SBK1: variants seen among roughly 807,000 people sequenced by gnomAD.
SBK1 encodes SH3 domain binding kinase 1.
In SBK1, 11 loss-of-function variants were observed where a neutral mutation model predicts 24.4. The ratio of observed to expected loss-of-function variants is 0.45; its 90% CI spans 0.28 to 0.75. SBK1 has a LOEUF of 0.75. Among genes scored for constraint, SBK1 ranks in the 30% least tolerant of loss-of-function variants. The pLI, the probability that SBK1 is intolerant of heterozygous loss-of-function variation, is 0.12. For missense variants in SBK1, 467 were observed against 620.5 expected (o/e 0.75, Z 2.63); for synonymous variants, 308 against 284.4 (o/e 1.08, Z -0.83).
In SBK1 at chr16:28,260,975, G is replaced by A. The variant is rs374543079; in HGVS notation, c.257+1473G>A. ...AAAGGGCATCGCAGGCAGTGGGAAC[G>A]GCAAGAGGGAAGGCTTGGTGCAAAT... On this transcript the variant is annotated intron_variant, in intron 1 of 3. Coordinates refer to the SBK1 transcript ENST00000671413. 2.6e-4 allele frequency among the ~76,000 whole-genome samples: 40 copies of A among 152,264 alleles called. No individual in the cohort carries two copies. The East Asian group carries it at 3.1e-3, about 12-fold the overall frequency.
At chr16:28,283,262 G>C (rs1018346698) in intron 1 of SBK1, among the ~76,000 whole-genome samples, 3 of 152,076 alleles carry the variant, frequency 2.0e-5, no homozygotes, top group African/African-American at 7.2e-5. Flanking sequence ...CTTTATTTCT[G>C]GGGGGTTGTA....
chr16:28,272,926 C>T (rs1386179064), intron 1 of SBK1, among the ~76,000 whole-genome samples: 3 of 150,900 alleles, frequency 2.0e-5, no homozygotes, highest in Non-Finnish European at 4.4e-5. Flanking sequence ...GGCCTGTCAT[C>T]GCATATTTTT....
chr16:28,268,428 T>C (rs995140993), intron 1 of SBK1, among the ~76,000 whole-genome samples: 2 of 151,532 alleles, frequency 1.3e-5, no homozygotes, highest in South Asian at 4.2e-4. Context: ...AATGGGTTTT[T>C]TTTTTTTTTG....
chr16:28,318,242 C>A (rs1266280328), intron 2 of SBK1, among the ~76,000 whole-genome samples: 1 of 152,206 alleles, frequency 6.6e-6, no homozygotes, highest in African/African-American at 2.4e-5. Flanking sequence ...AGCCGTGCCA[C>A]CCAGCCAGCC....
chr16:28,317,424 C>A lies in SBK1; in HGVS notation c.33C>A (p.Pro11=). Residue 11 remains proline (P), a synonymous_variant, in exon 2 of 4, where the codon CCC becomes CCA. Coordinates refer to ENST00000341901, the MANE Select transcript of SBK1 (RefSeq NM_001024401.3). This position sits in a 1 kb window ranked among gnomAD's most constrained non-coding sequence, Gnocchi z 4.2. ...TGGGCTGCCCAGAGCCTGAGCCGCC[C>A]CGCTCCCTGACCTGCTGTGGGCCGG... MSVGCPEPEP[P]RSLTCCGPGT... 1 of 1,614,046 alleles carries A rather than the reference C, an allele frequency of 6.2e-7. No homozygotes were observed. The highest frequency in any genetic ancestry group is 8.5e-7 in the Non-Finnish European group (1 of 1,179,972).
intron 1 of SBK1, among the ~76,000 whole-genome samples, chr16:28,276,283 A>G (rs1024250095): frequency 6.6e-6 from 1 of 152,120 alleles, no homozygotes; most frequent in Non-Finnish European, 1.5e-5. Flanking sequence ...GGGCCTCACC[A>G]AGACCCCTAG....
Position 28,320,672 on chromosome 16 carries a change from A to C in SBK1, c.1026A>C (p.Pro342=). ...GGGACCGCCCGCCCGCCGCCGGGCC[A>C]CTGCGCCTCGAGGCGCCTGGGCCGC... ...PPGDRPPAAG[P]LRLEAPGPLK... Residue 342 remains proline, a synonymous_variant, in exon 4 of 4, where the codon CCA becomes CCC. Transcript: ENST00000341901. The surrounding 1 kb of genome is among the most constrained non-coding windows in gnomAD (Gnocchi z 8.5). 1 of 1,082,336 alleles carries C rather than the reference A, an allele frequency of 9.2e-7. No individual in the cohort carries two copies. The highest frequency in any genetic ancestry group is 1.1e-6 in the Non-Finnish European group (1 of 892,546). 67.0% of individuals were successfully genotyped at this position (1,082,336 alleles called of 1,614,324 possible).
At chr16:28,260,954 G>C (rs2044393554) in intron 1 of SBK1, among the ~76,000 whole-genome samples, 1 of 152,248 alleles carries the variant, frequency 6.6e-6, no homozygotes, top group Admixed American at 6.5e-5. Flanking sequence ...CTGAGGAAAG[G>C]GCATCGCAGG....
intron 1 of SBK1, among the ~76,000 whole-genome samples, chr16:28,315,296 C>T (rs936085193): frequency 1.3e-5 from 2 of 152,054 alleles, no homozygotes; most frequent in Non-Finnish European, 2.9e-5. Context: ...TTCGTGGTCT[C>T]GACGGCAGGG....
chr16:28,293,353 T>A (rs1050607320), intron 1 of SBK1, 53 bp downstream of exon 1: 1 of 867,028 alleles, frequency 1.2e-6, no homozygotes, highest in Non-Finnish European at 1.4e-6. Context: ...GAGGTCCCCA[T>A]AGCCCTGCAG....
chr16:28,268,444 A>T (rs1374629455), intron 1 of SBK1, among the ~76,000 whole-genome samples: 1 of 148,506 alleles, frequency 6.7e-6, no homozygotes, highest in Non-Finnish European at 1.5e-5. Flanking sequence ...TTTTGTAAAG[A>T]TGGGTCTCAC....
intron 1 of SBK1, among the ~76,000 whole-genome samples, chr16:28,298,771 TC>T (rs1390333510): frequency 6.6e-6 from 1 of 152,184 alleles, no homozygotes; most frequent in Non-Finnish European, 1.5e-5. Context: ...CAGAGGATGT[TC>T]CAACTGCCTC....
At chr16:28,270,415 T>G (rs1328353622) in intron 1 of SBK1, among the ~76,000 whole-genome samples, 3 of 149,024 alleles carry the variant, frequency 2.0e-5, no homozygotes, top group Non-Finnish European at 3.0e-5. Flanking sequence ...GAATTATTAT[T>G]ATTATTATTA....
chr16:28,277,036 G>T (rs1284347645), intron 1 of SBK1, among the ~76,000 whole-genome samples: 1 of 152,080 alleles, frequency 6.6e-6, no homozygotes, highest in African/African-American at 2.4e-5. Flanking sequence ...GCAGAGGGGG[G>T]AGTGCCTGAA....
intron 1 of SBK1, among the ~76,000 whole-genome samples, chr16:28,303,240 C>CT (rs1391594520): frequency 1.3e-5 from 2 of 151,870 alleles, no homozygotes; most frequent in Non-Finnish European, 2.9e-5. Context: ...GCTGCTGAGC[C>CT]TGGGGGTAAG....
chr16:28,271,647 CAAAT>C (rs1555536070), intron 1 of SBK1, among the ~76,000 whole-genome samples: 2 of 152,102 alleles, frequency 1.3e-5, no homozygotes, highest in Non-Finnish European at 1.5e-5. Context: ...AGTTCACACT[CAAAT>C]AAGAGAAGAG....
At chr16:28,268,423 G>GT (rs561869982) in intron 1 of SBK1, among the ~76,000 whole-genome samples, 6,917 of 139,778 alleles carry the variant, frequency 0.049, 444 homozygotes, top group African/African-American at 0.15. Flanking sequence ...TTAAAAATGG[G>GT]TTTTTTTTTT....
intron 1 of SBK1, among the ~76,000 whole-genome samples, chr16:28,270,330 A>G (rs2044457030): frequency 6.6e-6 from 1 of 151,576 alleles, no homozygotes; most frequent in African/African-American, 2.4e-5. Context: ...AAAGTGCTGG[A>G]ATTACAGGCG....
At chr16:28,279,965 G>C (rs945729397) in intron 1 of SBK1, among the ~76,000 whole-genome samples, 5 of 151,206 alleles carry the variant, frequency 3.3e-5, no homozygotes, top group African/African-American at 1.2e-4. Flanking sequence ...CCAGAGTCAG[G>C]GGCTCAATTG....
Sources: allele counts gnomAD v4.1 joint callset (sites outside exome capture counted in the v4.1 genomes callset), GRCh38; gene constraint gnomAD v4.1.1; non-coding constraint Gnocchi (gnomAD v3.1); transcripts MANE v1.5; gene names NCBI Gene and HGNC (gene_info 2026-07-23, HGNC 2026-07-21).